EFNA5: variants seen among roughly 807,000 people sequenced by gnomAD.
EFNA5 encodes the protein ephrin-A5.
EFNA5 carries 5 observed loss-of-function variants against 22.9 expected under a neutral mutation model. The observed-to-expected ratio is 0.22, with a 90% CI of 0.11 to 0.46. The LOEUF is 0.46. EFNA5 is among the 20% of genes least tolerant of loss of function. EFNA5 has a pLI of 0.99. For missense variants in EFNA5, 237 were observed against 293.3 expected (o/e 0.81, Z 1.40); for synonymous variants, 113 against 112.2 (o/e 1.01, Z -0.04).
At chr5:107,520,091 A>G (rs1388156932) in intron 1 of EFNA5, among the ~76,000 whole-genome samples, 1 of 152,226 alleles carries the variant, frequency 6.6e-6, no homozygotes, top group Non-Finnish European at 1.5e-5. Context: ...CAACTGAAAT[A>G]AACACGAAAG....
At chr5:107,599,282 A>T (rs1309441809) in intron 1 of EFNA5, among the ~76,000 whole-genome samples, 1 of 152,234 alleles carries the variant, frequency 6.6e-6, no homozygotes, top group African/African-American at 2.4e-5. Context: ...GGAAGTTGTA[A>T]AGAATAATGA....
chr5:107,549,533 G>T (rs2432012), intron 1 of EFNA5, among the ~76,000 whole-genome samples: 1 of 152,200 alleles, frequency 6.6e-6, no homozygotes, highest in Non-Finnish European at 1.5e-5. Context: ...GTAAACTGGG[G>T]TTCTTTTGAA....
At chr5:107,459,014 G>A (rs961693818) in intron 1 of EFNA5, among the ~76,000 whole-genome samples, 12 of 152,072 alleles carry the variant, frequency 7.9e-5, no homozygotes, top group African/African-American at 1.4e-4. Context: ...TTCCATAAAC[G>A]TATACCTGAC....
At chr5:107,591,840 TATAAAATATATATA>T (rs1749332086) in intron 1 of EFNA5, among the ~76,000 whole-genome samples, 1 of 99,134 alleles carries the variant, frequency 1.0e-5, no homozygotes, top group Non-Finnish European at 1.9e-5. Flanking sequence ...TATATATATA[TATAAAATATATATA>T]ATATAAAAAA....
At chr5:107,589,087 G>C (rs1453038516) in intron 1 of EFNA5, among the ~76,000 whole-genome samples, 1 of 152,194 alleles carries the variant, frequency 6.6e-6, no homozygotes, top group Non-Finnish European at 1.5e-5. Context: ...CCAGTCTAGA[G>C]ACTTGCCATT....
chr5:107,489,497 T>C (rs558800293), intron 1 of EFNA5, among the ~76,000 whole-genome samples: 20 of 152,218 alleles, frequency 1.3e-4, no homozygotes, highest in Admixed American at 2.0e-4. Context: ...TAAACCAAAC[T>C]TAACAGATTA....
intron 1 of EFNA5, among the ~76,000 whole-genome samples, chr5:107,596,818 C>T (rs1749481971): frequency 6.6e-6 from 1 of 152,104 alleles, no homozygotes; most frequent in South Asian, 2.1e-4. Context: ...ATTTTTGTCA[C>T]CACTGAGACT....
chr5:107,535,862 C>A (rs1747919899), intron 1 of EFNA5, among the ~76,000 whole-genome samples: 1 of 152,174 alleles, frequency 6.6e-6, no homozygotes, highest in South Asian at 2.1e-4. Context: ...AGAGGAAATA[C>A]TAACATGGTT....
chr5:107,600,472 T>C (rs1246011718), intron 1 of EFNA5, among the ~76,000 whole-genome samples: 1 of 152,002 alleles, frequency 6.6e-6, no homozygotes, highest in Non-Finnish European at 1.5e-5. Flanking sequence ...ATCAGCTAAG[T>C]TAATAAAAAA....
chr5:107,583,213 T>C (rs1272635135), intron 1 of EFNA5, among the ~76,000 whole-genome samples: 2 of 152,254 alleles, frequency 1.3e-5, no homozygotes, highest in South Asian at 2.1e-4. Flanking sequence ...CTCAATGTCC[T>C]AAGAGTGACT....
chr5:107,659,975 TG>T (rs1465186960), intron 1 of EFNA5, among the ~76,000 whole-genome samples: 4 of 151,852 alleles, frequency 2.6e-5, no homozygotes, highest in Admixed American at 1.3e-4. Context: ...TGACCTTAGG[TG>T]TACATATTCT....
rs145576723 is a variant in EFNA5, at chr5:107,486,091, G to A, written c.126-58582C>T. ...GTCTCGCAGGTGAAATGACATTAAA[G>A]GCGTTACAGTAAAACAGAGACCAAT... On this transcript the variant is annotated intron_variant, in intron 1 of 4. Transcript: ENST00000333274. Among the ~76,000 whole-genome samples, 54 of 152,300 alleles carry A rather than the reference G, an allele frequency of 3.5e-4. No individual in the cohort carries two copies. In the East Asian group the frequency reaches 0.01, roughly 29 times the overall value.
At chr5:107,525,096 G>A (rs1048132381) in intron 1 of EFNA5, among the ~76,000 whole-genome samples, 3 of 152,108 alleles carry the variant, frequency 2.0e-5, no homozygotes, top group African/African-American at 7.2e-5. Context: ...ATCCAGCATT[G>A]CCTGAGAGAC....
chr5:107,533,584 G>T (rs1250857964), intron 1 of EFNA5, among the ~76,000 whole-genome samples: 2 of 152,160 alleles, frequency 1.3e-5, no homozygotes, highest in Non-Finnish European at 2.9e-5. Context: ...ACAAAGGAAG[G>T]TCTACCTAAT....
At chr5:107,576,697 G>A (rs1748935853) in intron 1 of EFNA5, among the ~76,000 whole-genome samples, 2 of 152,204 alleles carry the variant, frequency 1.3e-5, no homozygotes, top group African/African-American at 4.8e-5. Context: ...GTTTATAAAG[G>A]TTCTTATAAA....
intron 1 of EFNA5, among the ~76,000 whole-genome samples, chr5:107,583,843 T>A (rs932485820): frequency 2.6e-5 from 4 of 152,162 alleles, no homozygotes; most frequent in African/African-American, 9.7e-5. Flanking sequence ...ATATTTTCAT[T>A]CTCTTTACCA....
intron 2 of EFNA5, among the ~76,000 whole-genome samples, chr5:107,415,472 G>A (rs892578331): frequency 2.1e-4 from 32 of 152,218 alleles, no homozygotes; most frequent in African/African-American, 7.2e-4. Context: ...CTGAGTTTAT[G>A]CTGTTCTGAT....
Position 107,424,467 on chromosome 5 carries a change from C to T in EFNA5, c.418+2750G>A, listed in dbSNP as rs186614380. Among the ~76,000 whole-genome samples the T allele has an allele frequency of 2.5e-3, 380 of 151,590 alleles. 2 individuals carry two copies. Among genetic ancestry groups the T allele is most frequent in the South Asian group, 7.1e-3 (34 of 4,784 alleles). On this transcript the variant is annotated intron_variant, in intron 2 of 4. Transcript: ENST00000333274. ...TCCTGACCTCATGATCCACCCGCCT[C>T]GGCCTCCCAAAGTGCTAGGATTACA...
chr5:107,602,470 G>C (rs2112513365), intron 1 of EFNA5, among the ~76,000 whole-genome samples: 1 of 152,260 alleles, frequency 6.6e-6, no homozygotes, highest in East Asian at 1.9e-4. Flanking sequence ...AAGTGGAATT[G>C]CTTCTCATTT....
Sources: allele counts gnomAD v4.1 joint callset (sites outside exome capture counted in the v4.1 genomes callset), GRCh38; gene constraint gnomAD v4.1.1; transcripts MANE v1.5; gene names NCBI Gene and HGNC (gene_info 2026-07-23, HGNC 2026-07-21).